BLACAT1: variants seen among roughly 807,000 people sequenced by gnomAD.
The protein encoded by BLACAT1 is bladder cancer associated transcript 1.
chr1:205,451,073 C>T (rs1328195515), intron 1 of BLACAT1, among the ~76,000 whole-genome samples: 1 of 152,132 alleles, frequency 6.6e-6, no homozygotes, highest in East Asian at 1.9e-4. Flanking sequence ...GCCCAAGGGG[C>T]CCAAGGGATA....
downstream of BLACAT1, chr1:205,435,158 G>A (rs16855586): frequency 0.11 from 17,012 of 152,228 alleles, 1,077 homozygotes; most frequent in Non-Finnish European, 0.13. Flanking sequence ...CAGACCTGTC[G>A]CCAGGGTTGT....
chr1:205,453,996 T>G (rs995937864), intron 1 of BLACAT1, among the ~76,000 whole-genome samples: 3 of 152,018 alleles, frequency 2.0e-5, no homozygotes, highest in African/African-American at 7.3e-5. Flanking sequence ...CCCCATGGGG[T>G]GATGGTGCCC....
At chr1:205,438,717 A>C (rs1478994036), downstream of BLACAT1, among the ~76,000 whole-genome samples, 5 of 152,060 alleles carry the variant, frequency 3.3e-5, no homozygotes. Flanking sequence ...GAGGCAGAGG[A>C]CAACTGGACC....
intron 1 of BLACAT1, among the ~76,000 whole-genome samples, chr1:205,447,322 C>A (rs976691299): frequency 6.6e-6 from 1 of 152,170 alleles, no homozygotes; most frequent in Non-Finnish European, 1.5e-5. Context: ...CGGTTAGAAT[C>A]ATGGGGTACA....
downstream of BLACAT1, among the ~76,000 whole-genome samples, chr1:205,439,282 A>G (rs1361319479): frequency 2.0e-5 from 3 of 152,208 alleles, no homozygotes; most frequent in Non-Finnish European, 4.4e-5. Flanking sequence ...ACTTCTGTTT[A>G]TAATTCTTTG....
rs60080485 is a variant in BLACAT1, at chr1:205,450,990, C to T, written c.-37+4927G>A. ...CCTCTCCTCAAGATGGGGCCATGCC[C>T]ACGATTCCTGTCTCCTCTGGGGCCA... is the stretch of plus-strand genomic sequence containing the variant. On this transcript the variant is annotated intron_variant, in intron 1 of 1. Transcript: ENST00000629624. This position sits in a 1 kb window ranked among gnomAD's most constrained non-coding sequence, Gnocchi z 4.4. 0.021 allele frequency among the ~76,000 whole-genome samples: 3,244 copies of T among 152,304 alleles called. 74 individuals carry two copies. Among genetic ancestry groups the T allele is most frequent in the African/African-American group, 0.06 (2,502 of 41,554 alleles).
intron 1 of BLACAT1, among the ~76,000 whole-genome samples, chr1:205,444,335 G>A (rs1273314700): frequency 3.9e-5 from 6 of 152,020 alleles, no homozygotes; most frequent in Non-Finnish European, 8.8e-5. Context: ...TCCCAGCTCA[G>A]GTCCAAGATG....
exon 2 of BLACAT1, among the ~76,000 whole-genome samples, chr1:205,440,105 CA>C (rs1377329710): frequency 2.0e-5 from 3 of 152,050 alleles, no homozygotes; most frequent in Non-Finnish European, 4.4e-5. Context: ...ACAGGAGAAT[CA>C]AGGGAGGGCA....
chr1:205,454,399 T>G (rs1666536900), intron 1 of BLACAT1, among the ~76,000 whole-genome samples: 1 of 142,938 alleles, frequency 7.0e-6, no homozygotes, highest in South Asian at 2.2e-4. Context: ...CTGAGACTCC[T>G]GGATGTTCTC....
chr1:205,442,647 A>G (rs1348529507), intron 1 of BLACAT1, among the ~76,000 whole-genome samples: 1 of 152,220 alleles, frequency 6.6e-6, no homozygotes, highest in African/African-American at 2.4e-5. Context: ...CAGGAGGCCC[A>G]GCTTGAGTCA....
rs116479595 is a variant in BLACAT1, at chr1:205,448,432, C to A, written c.-36-7370G>T. Reference sequence around the variant, plus strand: ...CAGCGGCAGGAATCTCATAGGGAAGCGAGAAGCTGGGGCACCCGAGAAGCC... The same window carrying A: ...CAGCGGCAGGAATCTCATAGGGAAGAGAGAAGCTGGGGCACCCGAGAAGCC... On this transcript the variant is annotated intron_variant, in intron 1 of 1. Coordinates refer to ENST00000629624, the Ensembl canonical transcript of BLACAT1. This position sits in a 1 kb window ranked among gnomAD's most constrained non-coding sequence, Gnocchi z 4.7. 3.8e-6 allele frequency: 2 copies of A among 532,238 alleles called. No homozygotes were observed. Among genetic ancestry groups the A allele is most frequent in the South Asian group, 2.8e-5 (2 of 71,394 alleles). The allele number at this position is 532,238 out of a possible 1,614,324, so 33.0% of individuals were successfully genotyped here.
chr1:205,451,698 A>G (rs1666499707), intron 1 of BLACAT1, among the ~76,000 whole-genome samples: 1 of 152,218 alleles, frequency 6.6e-6, no homozygotes. Flanking sequence ...GCAGATGGAA[A>G]TGCAGAAGAA....
Position 205,441,903 on chromosome 1 carries a change from G to A in BLACAT1, c.-36-841C>T, listed in dbSNP as rs1056388741. Among the ~76,000 whole-genome samples, 1 of 152,196 alleles carries A rather than the reference G, an allele frequency of 6.6e-6. No homozygotes were observed. The highest frequency in any genetic ancestry group is 1.5e-5 in the Non-Finnish European group (1 of 68,022). On this transcript the variant is annotated intron_variant, in intron 1 of 1. Transcript: ENST00000629624. This position sits in a 1 kb window ranked among gnomAD's most constrained non-coding sequence, Gnocchi z 4.3. Reference sequence around the variant, plus strand: ...GACCCGGCCCTCAGCAGGAGCCAGGGGCCGCTCTGGTATCTGTTGCAGTCT... The same window carrying A: ...GACCCGGCCCTCAGCAGGAGCCAGGAGCCGCTCTGGTATCTGTTGCAGTCT...
At chr1:205,437,169 T>C (rs537855061), downstream of BLACAT1, 1 of 152,390 alleles carries the variant, frequency 6.6e-6, no homozygotes, top group African/African-American at 2.4e-5. Context: ...AGGCAAGGAA[T>C]GAGGTGGGGT....
intron 1 of BLACAT1, among the ~76,000 whole-genome samples, chr1:205,442,142 G>A (rs1200754360): frequency 6.6e-6 from 1 of 152,158 alleles, no homozygotes; most frequent in South Asian, 2.1e-4. Context: ...GAAGGAAAGC[G>A]CCCTGCGTGG....
At chr1:205,437,759 G>T (rs137925058), downstream of BLACAT1, 103 of 152,310 alleles carry the variant, frequency 6.8e-4, no homozygotes, top group African/African-American at 2.3e-3. Context: ...CCTATTTATA[G>T]TTGAGGAACC....
chr1:205,439,438 G>C (rs958317807), downstream of BLACAT1, among the ~76,000 whole-genome samples: 1 of 152,242 alleles, frequency 6.6e-6, no homozygotes. Context: ...CCAAAGCCCA[G>C]GAAAGGCCCC....
intron 1 of BLACAT1, among the ~76,000 whole-genome samples, chr1:205,451,096 AAGGGCCACCTCAC>A (rs1269460203): frequency 6.6e-6 from 1 of 152,120 alleles, no homozygotes; most frequent in Admixed American, 6.5e-5. Context: ...CACTGTGTAT[AAGGGCCACCTCAC>A]AGGGCCACTG....
intron 1 of BLACAT1, among the ~76,000 whole-genome samples, chr1:205,454,549 T>TGTGA (rs1246150219): frequency 6.0e-4 from 88 of 147,302 alleles, no homozygotes; most frequent in African/African-American, 1.8e-3. Context: ...TGTGTGTGTG[T>TGTGA]GAGAGAGAGA....
Sources: allele counts gnomAD v4.1 joint callset (sites outside exome capture counted in the v4.1 genomes callset), GRCh38; gene constraint gnomAD v4.1.1; non-coding constraint Gnocchi (gnomAD v3.1); transcripts MANE v1.5; gene names NCBI Gene and HGNC (gene_info 2026-07-23, HGNC 2026-07-21).